Variants in KCNIP4 observed in about 807,000 individuals in gnomAD.
KCNIP4 encodes the protein potassium voltage-gated channel interacting protein 4.
Under a neutral mutation model 34.0 loss-of-function variants are expected in KCNIP4, and 12 were observed. The ratio of observed to expected loss-of-function variants is 0.35; its 90% confidence interval spans 0.23 to 0.57. The LOEUF (loss-of-function observed/expected upper bound fraction) is 0.57. Ranked by LOEUF, KCNIP4 falls within the 20% of genes least tolerant of loss-of-function variation. The pLI is 0.83. For missense variants in KCNIP4, 238 were observed against 311.7 expected (o/e 0.76, Z 1.78); for synonymous variants, 124 against 102.2 (o/e 1.21, Z -1.29).
rs1218978796 is a variant in KCNIP4, at chr4:21,528,739, GAA to G, written c.61+419830_61+419831del. Among the ~76,000 whole-genome samples the G allele has an allele frequency of 3.5e-4, 2 of 5,710 alleles. 1 individual carries two copies. The highest frequency in any genetic ancestry group is 1.7e-3 in the African/African-American group (2 of 1,190). The allele number at this position is 5,710 out of a possible 152,430, so 3.7% of individuals were successfully genotyped here. A position where few individuals can be genotyped will look rare whatever the true frequency, so the allele number is the denominator to read the frequency against. On this transcript the variant is annotated intron_variant, in intron 1 of 8. Coordinates refer to ENST00000382152, the MANE Select transcript of KCNIP4 (RefSeq NM_025221.6). ...AGAAAGAAAGAAAGAAAGAAAGAAA[GAA>G]AGAAAGAAAGAAAGAAAGAAAGAAA... is the stretch of plus-strand genomic sequence containing the variant.
At chr4:21,082,489 C>T (rs930635615) in intron 1 of KCNIP4, among the ~76,000 whole-genome samples, 3 of 151,772 alleles carry the variant, frequency 2.0e-5, no homozygotes, top group South Asian at 2.1e-4. Flanking sequence ...GAACTCAAGC[C>T]TCTGTAGTAT....
intron 1 of KCNIP4, among the ~76,000 whole-genome samples, chr4:21,215,471 C>T (rs1560180858): frequency 6.6e-6 from 1 of 152,164 alleles, no homozygotes; most frequent in Admixed American, 6.5e-5. Context: ...AAACTCCATG[C>T]AAATGCAAAC....
intron 1 of KCNIP4, among the ~76,000 whole-genome samples, chr4:21,227,954 T>G (rs938330974): frequency 6.6e-6 from 1 of 152,216 alleles, no homozygotes; most frequent in Non-Finnish European, 1.5e-5. Context: ...TTATTTTTTT[T>G]CTGTCCAATT....
intron 1 of KCNIP4, among the ~76,000 whole-genome samples, chr4:21,075,807 CT>C (rs1196898934): frequency 1.3e-5 from 2 of 152,168 alleles, no homozygotes; most frequent in South Asian, 2.1e-4. Context: ...TCAGTGCTTC[CT>C]TCAGGCCTCT....
intron 1 of KCNIP4, among the ~76,000 whole-genome samples, chr4:21,305,882 T>C (rs1335600773): frequency 6.6e-6 from 1 of 152,210 alleles, no homozygotes; most frequent in Non-Finnish European, 1.5e-5. Context: ...TTTTTGTGTT[T>C]TTACGGTACT....
At chr4:20,983,986 C>G (rs1156374013) in intron 1 of KCNIP4, 4 of 1,525,180 alleles carry the variant, frequency 2.6e-6, no homozygotes, top group Non-Finnish European at 3.5e-6. Flanking sequence ...GAGTTAATTA[C>G]AGAATCGTAG....
intron 1 of KCNIP4, among the ~76,000 whole-genome samples, chr4:21,799,851 A>C (rs1720877976): frequency 6.6e-6 from 1 of 152,182 alleles, no homozygotes; most frequent in African/African-American, 2.4e-5. Context: ...TTTGTAAATA[A>C]ATCTTTTTAG....
At chr4:20,961,358 A>G (rs968768017) in intron 1 of KCNIP4, among the ~76,000 whole-genome samples, 1 of 152,176 alleles carries the variant, frequency 6.6e-6, no homozygotes, top group Non-Finnish European at 1.5e-5. Context: ...TCTATCACAG[A>G]TCATGCCTCT....
At position 21,234,062 on chromosome 4, in the gene KCNIP4, TATAAC is replaced by T. The variant is rs906307062; in HGVS notation, c.62-351358_62-351354del. On this transcript the variant is annotated intron_variant, in intron 1 of 8. Coordinates refer to ENST00000382152, the MANE Select transcript of KCNIP4 (RefSeq NM_025221.6). ...TATAACATATATAACACATAACATA[TATAAC>T]ATAACATAACATATAACGTATATTA... 1.1e-4 allele frequency among the ~76,000 whole-genome samples: 12 copies of T among 110,698 alleles called. 1 individual carries two copies. The highest frequency in any genetic ancestry group is 4.6e-4 in the East Asian group (2 of 4,378). The allele number at this position is 110,698 out of a possible 152,430, so 72.6% of individuals were successfully genotyped here.
rs761163740 is a variant in KCNIP4, at chr4:21,596,579, GA to G, written c.61+351991del. On this transcript the variant is annotated intron_variant, in intron 1 of 8. Transcript: ENST00000382152. ...ATCTCCATCTACCTTTCCTGGAGAG[GA>G]AAAAATAAAAACAAAAAAGAACAAA... Among the ~76,000 whole-genome samples the G allele has an allele frequency of 2.6e-4, 40 of 151,986 alleles. No individual in the cohort carries two copies. The East Asian group carries it at 4.9e-3, about 18-fold the overall frequency.
intron 1 of KCNIP4, among the ~76,000 whole-genome samples, chr4:21,347,691 A>C (rs1427360821): frequency 2.0e-5 from 3 of 152,224 alleles, no homozygotes; most frequent in Non-Finnish European, 4.4e-5. Flanking sequence ...AGCATGGAGT[A>C]TAGTGCTTGG....
chr4:21,316,035 G>A (rs1018569351), intron 1 of KCNIP4, among the ~76,000 whole-genome samples: 2 of 152,148 alleles, frequency 1.3e-5, no homozygotes, highest in East Asian at 1.9e-4. Flanking sequence ...TCCTCCAACT[G>A]CTTCCTTTTC....
At chr4:20,826,175 C>A (rs933266991) in intron 3 of KCNIP4, among the ~76,000 whole-genome samples, 4 of 152,082 alleles carry the variant, frequency 2.6e-5, no homozygotes, top group Admixed American at 6.6e-5. Flanking sequence ...GTAGAGCATA[C>A]TTTGGGAAAC....
chr4:21,019,688 C>A (rs1310545344), intron 1 of KCNIP4, among the ~76,000 whole-genome samples: 1 of 152,058 alleles, frequency 6.6e-6, no homozygotes, highest in Admixed American at 6.5e-5. Context: ...AATACAGTGA[C>A]ATATATAATG....
At chr4:21,045,991 T>C (rs1441321583) in intron 1 of KCNIP4, among the ~76,000 whole-genome samples, 2 of 152,122 alleles carry the variant, frequency 1.3e-5, no homozygotes, top group Admixed American at 6.6e-5. Flanking sequence ...AATAGGAGAA[T>C]GGGAAATTTT....
chr4:21,134,863 G>T (rs999475034), intron 1 of KCNIP4, among the ~76,000 whole-genome samples: 1 of 152,154 alleles, frequency 6.6e-6, no homozygotes, highest in African/African-American at 2.4e-5. Flanking sequence ...ATAGCCTTCG[G>T]CCATAAACAC....
At chr4:21,691,442 A>G (rs1483445200) in intron 1 of KCNIP4, among the ~76,000 whole-genome samples, 2 of 152,118 alleles carry the variant, frequency 1.3e-5, no homozygotes, top group East Asian at 3.9e-4. Context: ...TGGAGCATAC[A>G]CATTACCCCT....
intron 1 of KCNIP4, among the ~76,000 whole-genome samples, chr4:21,793,456 C>A (rs892475527): frequency 6.6e-6 from 1 of 152,070 alleles, no homozygotes; most frequent in Non-Finnish European, 1.5e-5. Flanking sequence ...TAAGATTTCA[C>A]CATGTTGGCC....
intron 1 of KCNIP4, chr4:21,846,501 C>T (rs1724023364): frequency 6.6e-6 from 1 of 151,914 alleles, no homozygotes; most frequent in African/African-American, 2.4e-5. Context: ...GAAATGGAGA[C>T]AGTAATGGAC....
Sources: allele counts gnomAD v4.1 joint callset (sites outside exome capture counted in the v4.1 genomes callset), GRCh38; gene constraint gnomAD v4.1.1; transcripts MANE v1.5; gene names NCBI Gene and HGNC (gene_info 2026-07-23, HGNC 2026-07-21).